Variants in SRMS observed in about 807,000 individuals in gnomAD.
SRMS encodes tyrosine-protein kinase Srms.
Under a neutral mutation model 43.5 loss-of-function variants are expected in SRMS, and 42 were observed. The observed-to-expected ratio is 0.97, with a 90% CI of 0.75 to 1.25. The LOEUF is 1.25. Ranked by LOEUF, SRMS falls within the 50% of genes most tolerant of loss-of-function variation. The pLI, the probability that SRMS is intolerant of heterozygous loss-of-function variation, is 0.00. For synonymous variants in SRMS, 316 were observed against 308.2 expected (o/e 1.03, Z -0.27); for missense variants, 703 against 681.0 (o/e 1.03, Z -0.36).
intron 2 of SRMS, 164 bp from the exon 3 acceptor site, chr20:63,543,644 C>T: frequency 3.5e-6 from 3 of 849,468 alleles, no homozygotes; most frequent in East Asian, 2.7e-5. Flanking sequence ...TGGGCAGCCA[C>T]AGGCTGGGGC....
chr20:63,546,027 A>T (rs2082728983), intron 1 of SRMS, among the ~76,000 whole-genome samples: 1 of 151,944 alleles, frequency 6.6e-6, no homozygotes, highest in East Asian at 1.9e-4. Flanking sequence ...AGCTAATGAC[A>T]CCTGAGTGTG....
In SRMS at chr20:63,547,135, G is replaced by C; in HGVS notation, c.329C>G (p.Ala110Gly). The C allele has an allele frequency of 6.2e-7, 1 of 1,602,944 alleles. No homozygotes were observed. The highest frequency in any genetic ancestry group is 8.5e-7 in the Non-Finnish European group (1 of 1,174,440). Residue 110 changes from alanine to glycine, a missense_variant, in exon 1 of 8, where the codon GCT (alanine) becomes GGT (glycine). Ala to Gly is a moderately conservative substitution (Grantham distance 60). Coordinates refer to ENST00000217188, the MANE Select transcript of SRMS (RefSeq NM_080823.4). Reference sequence around the variant, plus strand: ...TTGGTCTGAGAGCGTCTCAGGAGAAGCCTTGGCCACGTGGGTGATGGGCAC... The same window carrying C: ...TTGGTCTGAGAGCGTCTCAGGAGAACCCTTGGCCACGTGGGTGATGGGCAC... ...GLVPITHVAK[A>G]SPETLSDQPW...
chr20:63,542,983 G>T (rs941107644), intron 3 of SRMS, among the ~76,000 whole-genome samples: 9 of 152,124 alleles, frequency 5.9e-5, no homozygotes, highest in African/African-American at 2.2e-4. Flanking sequence ...CACACCTTCC[G>T]CCCTTGGGGC....
chr20:63,545,212 G>A (rs1034900743), intron 1 of SRMS, among the ~76,000 whole-genome samples: 3 of 152,142 alleles, frequency 2.0e-5, no homozygotes, highest in African/African-American at 4.8e-5. Flanking sequence ...CCTGGGAGCC[G>A]GAGGCATCCT....
rs373892181 is a variant in SRMS, at chr20:63,547,123, G to A, written c.341C>T (p.Thr114Met). The A allele has an allele frequency of 3.0e-5, 47 of 1,589,354 alleles. No individual in the cohort carries two copies. The highest frequency in any genetic ancestry group is 9.0e-5 in the South Asian group (8 of 88,566). ...AGGTACTCACGGTTGGTCTGAGAGC[G>A]TCTCAGGAGAAGCCTTGGCCACGTG... ...ITHVAKASPE[T>M]LSDQPWYFSG... The change falls in exon 1 of 8, where the codon ACG becomes ATG. Residue 114 changes from threonine to methionine, a missense_variant. Coordinates refer to ENST00000217188, the MANE Select transcript of SRMS (RefSeq NM_080823.4).
Position 63,542,425 on chromosome 20 carries a change from A to T in SRMS, c.787+15T>A. On this transcript the variant is annotated intron_variant, in intron 4 of 7. Transcript: ENST00000217188. ...GTGCGGGGCCCGGCCGTGGCGCAGG[A>T]TCTCGGGGCCTCACCTGACTTGATG... 1 of 1,607,320 alleles carries T rather than the reference A, an allele frequency of 6.2e-7. No homozygotes were observed. The highest frequency in any genetic ancestry group is 8.5e-7 in the Non-Finnish European group (1 of 1,176,422).
intron 5 of SRMS, 127 bp from the exon 6 acceptor site, chr20:63,541,747 C>A: frequency 1.7e-6 from 2 of 1,199,182 alleles, no homozygotes; most frequent in Non-Finnish European, 2.3e-6. Flanking sequence ...GATGGCATGG[C>A]CGGCTAAGGC....
rs1374903293 is a variant in SRMS at position 63,538,716 on chromosome 20, A to AGGGGGGGGGGG, written c.*2101_*2102insCCCCCCCCCCC. ...GGTCGGTTGGGGAGGATGCAGGGGG[A>AGGGGGGGGGGG]GGGGTGGGGGGTGGGGAATGCGGAA... On this transcript the variant is annotated 3_prime_UTR_variant, in exon 8 of 8. Transcript: ENST00000217188. 1.1e-4 allele frequency among the ~76,000 whole-genome samples: 1 copy of AGGGGGGGGGGG among 9,194 alleles called. No individual in the cohort carries two copies. The highest frequency in any genetic ancestry group is 4.6e-4 in the African/African-American group (1 of 2,186). 6.0% of individuals were successfully genotyped at this position (9,194 alleles called of 152,430 possible). A position where few individuals can be genotyped will look rare whatever the true frequency, so the allele number is the denominator to read the frequency against.
chr20:63,546,009 G>A (rs1414270074), intron 1 of SRMS, among the ~76,000 whole-genome samples: 4 of 152,108 alleles, frequency 2.6e-5, no homozygotes, highest in African/African-American at 4.8e-5. Flanking sequence ...GTGGGGCCAG[G>A]TGTCTGGAGC....
In SRMS at chr20:63,541,000, C is replaced by G. The variant is rs535858361; in HGVS notation, c.1286-1G>C. 2 of 1,608,798 alleles carry G rather than the reference C, an allele frequency of 1.2e-6. No homozygotes were observed. Among genetic ancestry groups the G allele is most frequent in the South Asian group, 2.2e-5 (2 of 91,014 alleles). On this transcript the variant is annotated splice_acceptor_variant, in intron 7 of 7. Transcript: ENST00000217188. LOFTEE classifies it high-confidence loss of function. ...TGCAGCGTCTCGTGGTTGGTCATCC[C>G]TGGGAGGCGCGGGGCAAGAGCTGCC...
chr20:63,545,431 G>A (rs2082726097), intron 1 of SRMS, among the ~76,000 whole-genome samples: 1 of 152,192 alleles, frequency 6.6e-6, no homozygotes, highest in Non-Finnish European at 1.5e-5. Flanking sequence ...AGAGTGAGCC[G>A]GTGTCAGGGT....
intron 1 of SRMS, among the ~76,000 whole-genome samples, chr20:63,546,288 G>T (rs117758170): frequency 1.4e-5 from 2 of 144,512 alleles, no homozygotes; most frequent in South Asian, 4.5e-4. Context: ...GGCTTCACCC[G>T]CCCATGCAAC....
chr20:63,539,795 C>T lies in SRMS; in HGVS notation c.*1023G>A, dbSNP rs144994064. The stretch of plus-strand genomic sequence containing the variant: ...TGGCATCTACCTCCGAGCCCCCAAC[C>T]GACCCTGCCTGACCCTGCACAGGCA... On this transcript the variant is annotated 3_prime_UTR_variant, in exon 8 of 8. Transcript: ENST00000217188. 2.0e-5 allele frequency among the ~76,000 whole-genome samples: 3 copies of T among 152,170 alleles called. No individual in the cohort carries two copies. The highest frequency in any genetic ancestry group is 2.1e-4 in the South Asian group (1 of 4,826).
Position 63,539,334 on chromosome 20 carries a change from C to G in SRMS, c.*1484G>C, listed in dbSNP as rs1228337404. Among the ~76,000 whole-genome samples, 1 of 152,252 alleles carries G rather than the reference C, an allele frequency of 6.6e-6. No individual in the cohort carries two copies. Among genetic ancestry groups the G allele is most frequent in the Non-Finnish European group, 1.5e-5 (1 of 68,046 alleles). On this transcript the variant is annotated 3_prime_UTR_variant, in exon 8 of 8. Transcript: ENST00000217188. ...GAGCCTCCGAGTGGCCTCTTCCTTC[C>G]CCGGGGCCACCTGTCTCTGCACACG...
Position 63,540,861 on chromosome 20 carries a change from G to T in SRMS, c.1424C>A (p.Thr475Lys). ...GATGGCGTGCAGCTTCTCCCGCAGC[G>T]TGGCGAAGGAGGGCCGTTCCTCGGG... ...SSPEERPSFA[T>K]LREKLHAIHR... The change falls in exon 8 of 8, where the codon ACG becomes AAG. Residue 475 changes from threonine to lysine, a missense_variant. Thr to Lys is a moderately conservative substitution (Grantham distance 78). Coordinates refer to ENST00000217188, the MANE Select transcript of SRMS (RefSeq NM_080823.4). The T allele has an allele frequency of 6.2e-7, 1 of 1,605,878 alleles. No homozygotes were observed. Among genetic ancestry groups the T allele is most frequent in the Non-Finnish European group, 8.5e-7 (1 of 1,179,044 alleles).
chr20:63,544,150 C>G (rs897455010), intron 2 of SRMS, 77 bp downstream of exon 2: 1 of 1,363,996 alleles, frequency 7.3e-7, no homozygotes, highest in African/African-American at 1.5e-5. Context: ...GCCAGCACTG[C>G]CTAGAGACCA....
rs2082685808 is a variant in SRMS at position 63,538,590 on chromosome 20, A to G, written c.*2228T>C. Reference sequence around the variant, plus strand: ...ATAATCTGGATTATTTAACAGGCTCATAGATTTCTGGGCAGCCCAGCTCAG... The same window carrying G: ...ATAATCTGGATTATTTAACAGGCTCGTAGATTTCTGGGCAGCCCAGCTCAG... On this transcript the variant is annotated 3_prime_UTR_variant, in exon 8 of 8. Transcript: ENST00000217188. Among the ~76,000 whole-genome samples, 2 of 152,266 alleles carry G rather than the reference A, an allele frequency of 1.3e-5. No homozygotes were observed. Among genetic ancestry groups the G allele is most frequent in the East Asian group, 1.9e-4 (1 of 5,182 alleles).
chr20:63,541,104 C>G, intron 7 of SRMS, 87 bp downstream of exon 7: 2 of 1,568,878 alleles, frequency 1.3e-6, no homozygotes, highest in Non-Finnish European at 1.7e-6. Context: ...GCCAGACCCT[C>G]CAACCCCTTG....
In SRMS at chr20:63,542,298, C is replaced by G; in HGVS notation, c.811G>C (p.Ala271Pro). The G allele has an allele frequency of 6.2e-7, 1 of 1,611,266 alleles. No individual in the cohort carries two copies. The change falls in exon 5 of 8, where the codon GCC becomes CCC. Residue 271 changes from alanine (A) to proline (P), a missense_variant. Physicochemically the swap from Ala to Pro is conservative, Grantham distance 27. Coordinates refer to ENST00000217188, the MANE Select transcript of SRMS (RefSeq NM_080823.4). Reference protein sequence around the residue: ...KSANMKLTDLAKEIQTLKGLR... With the variant: ...KSANMKLTDLPKEIQTLKGLR... Reference sequence around the variant, plus strand: ...CCCTTCAGTGTCTGGATCTCCTTGGCGAGGTCAGTGAGCTTCATGTTGGCT... The same window carrying G: ...CCCTTCAGTGTCTGGATCTCCTTGGGGAGGTCAGTGAGCTTCATGTTGGCT...
Sources: gnomAD v4.1 joint callset for allele counts (sites outside exome capture counted in the v4.1 genomes callset) on GRCh38, gnomAD v4.1.1 for gene constraint, MANE v1.5 for transcripts, NCBI Gene and HGNC (gene_info 2026-07-23, HGNC 2026-07-21) for gene names.